IFNA14: variants seen among roughly 807,000 people sequenced by gnomAD.
IFNA14 encodes interferon alpha 14, also known as interferon alpha-14.
For synonymous variants in IFNA14, 113 were observed against 76.8 expected, an observed-to-expected ratio of 1.47 and a Z score of -2.46; for missense variants, 337 against 214.9, an observed-to-expected ratio of 1.57 and a Z score of -3.55.
rs1563825743 is a variant in IFNA14 at position 21,239,983 on chromosome 9, GAACCTTGGGTTGTAGGTT to G, written c.-66_-49del. 1 of 1,524,414 alleles carries G rather than the reference GAACCTTGGGTTGTAGGTT, an allele frequency of 6.6e-7. No individual in the cohort carries two copies. The highest frequency in any genetic ancestry group is 9.1e-7 in the Non-Finnish European group (1 of 1,100,094). 94.4% of individuals were successfully genotyped at this position (1,524,414 alleles called of 1,614,324 possible). A position where few individuals can be genotyped will look rare whatever the true frequency, so the allele number is the denominator to read the frequency against. On this transcript the variant is annotated 5_prime_UTR_variant, in exon 1 of 1. Transcript: ENST00000380222. ...GGGCTGGTTGATGAGGGGTAACACT[GAACCTTGGGTTGTAGGTT>G]TTCTGAAGACCTTGCTCTGTGCATA...
chr9:21,239,216 T>G lies in IFNA14; in HGVS notation c.*150A>C. The stretch of plus-strand genomic sequence containing the variant: ...GGACTAGTGCCTGCACAGGTATACA[T>G]GATGCTTCTTTACACTCCTGAAAAC... On this transcript the variant is annotated 3_prime_UTR_variant, in exon 1 of 1. Coordinates refer to ENST00000380222, the MANE Select transcript of IFNA14 (RefSeq NM_002172.3). 2.2e-6 allele frequency: 3 copies of G among 1,340,138 alleles called. No homozygotes were observed. The highest frequency in any genetic ancestry group is 2.4e-5 in the East Asian group (1 of 42,332). The allele number at this position is 1,340,138 out of a possible 1,614,324, so 83.0% of individuals were successfully genotyped here. A position where few individuals can be genotyped will look rare whatever the true frequency, so the allele number is the denominator to read the frequency against.
rs1818845725 is a variant in IFNA14, at chr9:21,239,308, A to C, written c.*58T>G. 4 of 1,602,554 alleles carry C rather than the reference A, an allele frequency of 2.5e-6. No individual in the cohort carries two copies. The highest frequency in any genetic ancestry group is 1.8e-5 in the Admixed American group (1 of 56,344). On this transcript the variant is annotated 3_prime_UTR_variant, in exon 1 of 1. Coordinates refer to ENST00000380222, the MANE Select transcript of IFNA14 (RefSeq NM_002172.3). Reference sequence around the variant, plus strand: ...GTGAGTCTTTGAAATGGAAGAACTCATGAAAGTGTGAGATGATGTATTAGT... The same window carrying C: ...GTGAGTCTTTGAAATGGAAGAACTCCTGAAAGTGTGAGATGATGTATTAGT...
At position 21,239,950 on chromosome 9, in the gene IFNA14, A is replaced by G. The variant is rs1818864800; in HGVS notation, c.-15T>C. Reference sequence around the variant, plus strand: ...GGCAATGCCATTGGGAATCCCGAAGATGCTGCTGGGCTGGTTGATGAGGGG... The same window carrying G: ...GGCAATGCCATTGGGAATCCCGAAGGTGCTGCTGGGCTGGTTGATGAGGGG... On this transcript the variant is annotated 5_prime_UTR_variant, in exon 1 of 1. Coordinates refer to ENST00000380222, the MANE Select transcript of IFNA14 (RefSeq NM_002172.3). The G allele has an allele frequency of 6.2e-7, 1 of 1,611,952 alleles. No individual in the cohort carries two copies. The highest frequency in any genetic ancestry group is 1.3e-5 in the African/African-American group (1 of 74,984).
At position 21,239,250 on chromosome 9, in the gene IFNA14, A is replaced by G; in HGVS notation, c.*116T>C. 1 of 1,550,054 alleles carries G rather than the reference A, an allele frequency of 6.5e-7. No individual in the cohort carries two copies. Among genetic ancestry groups the G allele is most frequent in the Non-Finnish European group, 8.7e-7 (1 of 1,151,086 alleles). ...TTTACACTCCTGAAAACATTTGAAA[A>G]TTTTGATTCAACTTGTGGTGGTTAT... is the stretch of plus-strand genomic sequence containing the variant. On this transcript the variant is annotated 3_prime_UTR_variant, in exon 1 of 1. Transcript: ENST00000380222.
At position 21,239,525 on chromosome 9, in the gene IFNA14, C is replaced by T. The variant is rs765521429; in HGVS notation, c.411G>A (p.Glu137=). 16 of 1,613,952 alleles carry T rather than the reference C, an allele frequency of 9.9e-6. No homozygotes were observed. The East Asian group carries it at 1.3e-4, about 13-fold the overall frequency. The change falls in exon 1 of 1, where the codon GAG becomes GAA. Residue 137 remains glutamate (E), a synonymous_variant. Transcript: ENST00000380222. ...VGVEETPLMN[E]DSILAVKKYF... Reference sequence around the variant, plus strand: ...ATTTCTTCACAGCCAGGATGGAGTCCTCATTCATCAGGGGAGTCTCTTCCA... The same window carrying T: ...ATTTCTTCACAGCCAGGATGGAGTCTTCATTCATCAGGGGAGTCTCTTCCA...
Position 21,239,594 on chromosome 9 carries a change from C to T in IFNA14, c.342G>A (p.Gln114=), listed in dbSNP as rs772092480. Residue 114 remains glutamine (Q), a synonymous_variant, in exon 1 of 1, where the codon CAG becomes CAA. Transcript: ENST00000380222. Reference sequence around the variant, plus strand: ...CACAGGCTTCCAGGTCATTCATTTGCTGGAAAAGTTCAATGTAGAATTTTT... The same window carrying T: ...CACAGGCTTCCAGGTCATTCATTTGTTGGAAAAGTTCAATGTAGAATTTTT... ...LLEKFYIELF[Q]QMNDLEACVI... The T allele has an allele frequency of 5.0e-6, 8 of 1,613,856 alleles. No individual in the cohort carries two copies. The highest frequency in any genetic ancestry group is 1.1e-5 in the South Asian group (1 of 91,080).
Position 21,239,248 on chromosome 9 carries a change from A to AAATTTTG in IFNA14, c.*111_*117dup, listed in dbSNP as rs1818844654. ...TCTTTACACTCCTGAAAACATTTGA[A>AAATTTTG]AATTTTGATTCAACTTGTGGTGGTT... is the stretch of plus-strand genomic sequence containing the variant. On this transcript the variant is annotated 3_prime_UTR_variant, in exon 1 of 1. Transcript: ENST00000380222. The AAATTTTG allele has an allele frequency of 1.9e-6, 3 of 1,547,554 alleles. No homozygotes were observed. The East Asian group carries it at 6.7e-5, about 35-fold the overall frequency.
the IFNA14 span, chr9:21,239,498 G>T: frequency 6.2e-7 from 1 of 1,614,164 alleles, no homozygotes; most frequent in Non-Finnish European, 8.5e-7. Context: ...TTCTTTGGAA[G>T]TATTTCTTCA....
At position 21,239,336 on chromosome 9, in the gene IFNA14, A is replaced by G; in HGVS notation, c.*30T>C. 6.2e-7 allele frequency: 1 copy of G among 1,612,678 alleles called. No homozygotes were observed. ...AAAGTGTGAGATGATGTATTAGTCA[A>G]TGAGAATCATTTCCATGATGAACCA... On this transcript the variant is annotated 3_prime_UTR_variant, in exon 1 of 1. Coordinates refer to ENST00000380222, the MANE Select transcript of IFNA14 (RefSeq NM_002172.3).
In IFNA14 at chr9:21,239,995, G is replaced by T. The variant is rs1818866123; in HGVS notation, c.-60C>A. On this transcript the variant is annotated 5_prime_UTR_variant, in exon 1 of 1. Coordinates refer to ENST00000380222, the MANE Select transcript of IFNA14 (RefSeq NM_002172.3). ...GAGGGGTAACACTGAACCTTGGGTTGTAGGTTTTCTGAAGACCTTGCTCTG... is the reference window on the plus strand; with the variant it reads ...GAGGGGTAACACTGAACCTTGGGTTTTAGGTTTTCTGAAGACCTTGCTCTG... 1.4e-6 allele frequency: 2 copies of T among 1,449,086 alleles called. No homozygotes were observed. The highest frequency in any genetic ancestry group is 1.9e-6 in the Non-Finnish European group (2 of 1,036,706). The allele number at this position is 1,449,086 out of a possible 1,614,324, so 89.8% of individuals were successfully genotyped here.
At position 21,239,996 on chromosome 9, in the gene IFNA14, T is replaced by G. The variant is rs7868193; in HGVS notation, c.-61A>C. 6.9e-7 allele frequency: 1 copy of G among 1,440,138 alleles called. No homozygotes were observed. Among genetic ancestry groups the G allele is most frequent in the Non-Finnish European group, 9.7e-7 (1 of 1,028,864 alleles). 89.2% of individuals were successfully genotyped at this position (1,440,138 alleles called of 1,614,324 possible). ...AGGGGTAACACTGAACCTTGGGTTGTAGGTTTTCTGAAGACCTTGCTCTGT... is the reference window on the plus strand; with the variant it reads ...AGGGGTAACACTGAACCTTGGGTTGGAGGTTTTCTGAAGACCTTGCTCTGT... On this transcript the variant is annotated 5_prime_UTR_variant, in exon 1 of 1. Transcript: ENST00000380222.
rs1304059276 is a variant in IFNA14 at position 21,239,612 on chromosome 9, G to C, written c.324C>G (p.Phe108Leu). ...TCATTTGCTGGAAAAGTTCAATGTA[G>C]AATTTTTCTAGGAGGGTCTCATCCC... ...AAWDETLLEKFYIELFQQMND... is the reference protein window; with the variant it reads ...AAWDETLLEKLYIELFQQMND... The change falls in exon 1 of 1, where the codon TTC (phenylalanine) becomes TTG (leucine). Residue 108 changes from phenylalanine (F) to leucine (L), a missense_variant. Coordinates refer to ENST00000380222, the MANE Select transcript of IFNA14 (RefSeq NM_002172.3). The C allele has an allele frequency of 3.1e-6, 5 of 1,613,756 alleles. No individual in the cohort carries two copies. The highest frequency in any genetic ancestry group is 4.2e-6 in the Non-Finnish European group (5 of 1,179,936).
Position 21,239,030 on chromosome 9 carries a change from T to A in IFNA14, c.*336A>T, listed in dbSNP as rs936972565. 1.3e-5 allele frequency: 2 copies of A among 154,244 alleles called. No individual in the cohort carries two copies. Among genetic ancestry groups the A allele is most frequent in the African/African-American group, 4.8e-5 (2 of 41,474 alleles). 9.6% of individuals were successfully genotyped at this position (154,244 alleles called of 1,614,324 possible). A position where few individuals can be genotyped will look rare whatever the true frequency, so the allele number is the denominator to read the frequency against. On this transcript the variant is annotated 3_prime_UTR_variant, in exon 1 of 1. Transcript: ENST00000380222. ...GTAAAAATTTAATGAAAAAGGAAAT[T>A]AATATATTGGCTAAATATGAAGAAC...
chr9:21,239,779 G>A lies in IFNA14; in HGVS notation c.157C>T (p.Leu53=), dbSNP rs150410594. Residue 53 remains leucine (L), a synonymous_variant, in exon 1 of 1, where the codon CTG becomes TTG. Transcript: ENST00000380222. The stretch of plus-strand genomic sequence containing the variant: ...AATTCAAAGTCATGTCTGTCCTTCA[G>A]GCAGGAGAAAGGAGAGATTCTCCTC... The part of the protein sequence containing the change: ...QMRRISPFSC[L]KDRHDFEFPQ... 41 of 1,614,116 alleles carry A rather than the reference G, an allele frequency of 2.5e-5. No homozygotes were observed. Among genetic ancestry groups the A allele is most frequent in the Admixed American group, 1.5e-4 (9 of 60,004 alleles).
rs202194015 is a variant in IFNA14 at position 21,239,824 on chromosome 9, A to G, written c.112T>C (p.Leu38=). ...CTCCTCATTTGTGCCATGAGCATCA[A>G]AGTCCTCCTGTTATTCAGGCTGTGG... ...QTHSLNNRRT[L]MLMAQMRRIS... is the part of the protein sequence containing the mutation. Residue 38 remains leucine, a synonymous_variant, in exon 1 of 1, where the codon TTG becomes CTG. Transcript: ENST00000380222. The G allele has an allele frequency of 6.2e-7, 1 of 1,614,000 alleles. No individual in the cohort carries two copies. Among genetic ancestry groups the G allele is most frequent in the African/African-American group, 1.3e-5 (1 of 74,906 alleles).
rs145728073 is a variant in IFNA14 at position 21,239,021 on chromosome 9, A to C, written c.*345T>G. On this transcript the variant is annotated 3_prime_UTR_variant, in exon 1 of 1. Transcript: ENST00000380222. ...TTTTGTATAGTAAAAATTTAATGAAAAAGGAAATTAATATATTGGCTAAAT... is the reference window on the plus strand; with the variant it reads ...TTTTGTATAGTAAAAATTTAATGAACAAGGAAATTAATATATTGGCTAAAT... 1,321 of 154,078 alleles carry C rather than the reference A, an allele frequency of 8.6e-3. 50 individuals carry two copies. In the East Asian group the frequency reaches 0.11, roughly 13 times the overall value. 9.5% of individuals were successfully genotyped at this position (154,078 alleles called of 1,614,324 possible). A position where few individuals can be genotyped will look rare whatever the true frequency, so the allele number is the denominator to read the frequency against.
rs1818843486 is a variant in IFNA14, at chr9:21,239,174, G to A, written c.*192C>T. On this transcript the variant is annotated 3_prime_UTR_variant, in exon 1 of 1. Coordinates refer to ENST00000380222, the MANE Select transcript of IFNA14 (RefSeq NM_002172.3). Reference sequence around the variant, plus strand: ...AATAAATAGATGAAAGGAGACATCAGCATGGTCATCTGTAAAGGACTAGTG... The same window carrying A: ...AATAAATAGATGAAAGGAGACATCAACATGGTCATCTGTAAAGGACTAGTG... 1.7e-6 allele frequency: 1 copy of A among 604,558 alleles called. No individual in the cohort carries two copies. Among genetic ancestry groups the A allele is most frequent in the Admixed American group, 3.9e-5 (1 of 25,846 alleles). 37.4% of individuals were successfully genotyped at this position (604,558 alleles called of 1,614,324 possible).
Position 21,239,986 on chromosome 9 carries a change from C to A in IFNA14, c.-51G>T. On this transcript the variant is annotated 5_prime_UTR_variant, in exon 1 of 1. Transcript: ENST00000380222. ...CTGGTTGATGAGGGGTAACACTGAA[C>A]CTTGGGTTGTAGGTTTTCTGAAGAC... The A allele has an allele frequency of 3.3e-6, 5 of 1,509,464 alleles. No individual in the cohort carries two copies. Among genetic ancestry groups the A allele is most frequent in the South Asian group, 1.1e-5 (1 of 88,138 alleles). 93.5% of individuals were successfully genotyped at this position (1,509,464 alleles called of 1,614,324 possible).
chr9:21,239,970 G>A lies in IFNA14; in HGVS notation c.-35C>T. 6.3e-7 allele frequency: 1 copy of A among 1,576,478 alleles called. No individual in the cohort carries two copies. On this transcript the variant is annotated 5_prime_UTR_variant, in exon 1 of 1. Transcript: ENST00000380222. ...CGAAGATGCTGCTGGGCTGGTTGAT[G>A]AGGGGTAACACTGAACCTTGGGTTG...
Sources: gnomAD v4.1 joint callset for allele counts on GRCh38, gnomAD v4.1.1 for gene constraint, MANE v1.5 for transcripts, NCBI Gene and HGNC (gene_info 2026-07-23, HGNC 2026-07-21) for gene names.